R3HCC1L: variants seen among roughly 807,000 people sequenced by gnomAD.
The protein encoded by R3HCC1L is R3H domain and coiled-coil containing 1 like.
A neutral mutation model predicts 59.9 loss-of-function variants in R3HCC1L; 51 were observed. The ratio of observed to expected loss-of-function variants is 0.85; its 90% CI spans 0.68 to 1.07. The LOEUF (loss-of-function observed/expected upper bound fraction) is 1.07, where lower values mean the gene tolerates loss of function less well. Among genes scored for constraint, R3HCC1L ranks in the 50% least tolerant of loss-of-function variants. The probability of loss-of-function intolerance (pLI) is 0.00; values close to 1 mark genes in which losing one functional copy is unlikely to be tolerated. For synonymous variants in R3HCC1L, 322 were observed against 315.2 expected (o/e 1.02, Z -0.23); for missense variants, 965 against 933.0 (o/e 1.03, Z -0.45).
At chr10:98,227,569 A>G (rs1205295771) in intron 5 of R3HCC1L, among the ~76,000 whole-genome samples, 1 of 104,456 alleles carries the variant, frequency 9.6e-6, no homozygotes, top group East Asian at 2.9e-4. Flanking sequence ...GGTCATCAGC[A>G]GTGTGTGTTT....
At chr10:98,213,381 G>T (rs1420685259) in intron 5 of R3HCC1L, among the ~76,000 whole-genome samples, 3 of 152,166 alleles carry the variant, frequency 2.0e-5, no homozygotes, top group Non-Finnish European at 1.5e-5. Flanking sequence ...GAGACAGTAT[G>T]TAACTATGTG....
intron 2 of R3HCC1L, among the ~76,000 whole-genome samples, chr10:98,161,712 C>T (rs555872031): frequency 1.3e-5 from 2 of 152,180 alleles, no homozygotes; most frequent in East Asian, 3.9e-4. Flanking sequence ...GATATGCTAC[C>T]TTTATCATAT....
chr10:98,183,325 TTG>T (rs1260670944), intron 4 of R3HCC1L, among the ~76,000 whole-genome samples: 9 of 140,660 alleles, frequency 6.4e-5, no homozygotes, highest in African/African-American at 1.9e-4. Context: ...TTCCACTGTA[TTG>T]TGTCTTTTTT....
At chr10:98,234,630 A>T (rs1201349397) in intron 7 of R3HCC1L, 114 bp downstream of exon 7, 2 of 1,080,012 alleles carry the variant, frequency 1.9e-6, no homozygotes, top group African/African-American at 3.2e-5. Context: ...AGTGTAGGTA[A>T]TAGGGCAGTT....
intron 1 of R3HCC1L, among the ~76,000 whole-genome samples, 190 bp downstream of exon 1, chr10:98,134,896 C>T (rs1248221304): frequency 1.3e-5 from 2 of 152,208 alleles, no homozygotes; most frequent in African/African-American, 2.4e-5. Context: ...GCCTTCTGAC[C>T]CCTGCGGGCC....
intron 6 of R3HCC1L, among the ~76,000 whole-genome samples, chr10:98,232,777 T>C (rs879942479): frequency 6.6e-6 from 1 of 152,258 alleles, no homozygotes; most frequent in Non-Finnish European, 1.5e-5. Context: ...ACTCTGCCAT[T>C]GTTAAACAGA....
At chr10:98,142,637 CAAAAA>C (rs529534628) in intron 1 of R3HCC1L, among the ~76,000 whole-genome samples, 1 of 134,824 alleles carries the variant, frequency 7.4e-6, no homozygotes, top group African/African-American at 2.8e-5. Context: ...GACTCTGTCT[CAAAAA>C]AAAAAAAGTA....
At chr10:98,229,234 A>G (rs1185106313) in intron 5 of R3HCC1L, among the ~76,000 whole-genome samples, 1 of 152,136 alleles carries the variant, frequency 6.6e-6, no homozygotes, top group Non-Finnish European at 1.5e-5. Context: ...ATGTTCTTCC[A>G]TTTGTTTGTA....
At chr10:98,178,278 C>T (rs1461615513) in intron 4 of R3HCC1L, among the ~76,000 whole-genome samples, 1 of 152,190 alleles carries the variant, frequency 6.6e-6, no homozygotes, top group Non-Finnish European at 1.5e-5. Flanking sequence ...CAGGTTTCTA[C>T]ATATGGCTAG....
chr10:98,216,524 A>G (rs1026731436), intron 5 of R3HCC1L, among the ~76,000 whole-genome samples: 4 of 152,124 alleles, frequency 2.6e-5, no homozygotes, highest in Admixed American at 1.3e-4. Flanking sequence ...ACATACATGT[A>G]TTTGTTGTTG....
At chr10:98,151,697 G>T (rs2134007489) in intron 1 of R3HCC1L, among the ~76,000 whole-genome samples, 1 of 152,244 alleles carries the variant, frequency 6.6e-6, no homozygotes, top group South Asian at 2.1e-4. Flanking sequence ...TAAGGATGAA[G>T]AATTAGGGAA....
At position 98,209,411 on chromosome 10, in the gene R3HCC1L, G is replaced by A. The variant is rs1416416064; in HGVS notation, c.1297G>A (p.Asp433Asn). The A allele has an allele frequency of 1.2e-6, 2 of 1,613,716 alleles. No homozygotes were observed. Among genetic ancestry groups the A allele is most frequent in the East Asian group, 2.2e-5 (1 of 44,870 alleles). Residue 433 changes from aspartate (D) to asparagine (N), a missense_variant, in exon 5 of 10, where the codon GAC (aspartate) becomes AAC (asparagine). Physicochemically the swap from Asp to Asn is conservative, Grantham distance 23. Transcript: ENST00000298999. ...TPLHVARSGN[D>N]TEDFSNPSAC... ...TCTTCATGTAGCTAGAAGTGGGAAT[G>A]ACACTGAAGATTTCAGCAACCCTTC...
intron 9 of R3HCC1L, among the ~76,000 whole-genome samples, chr10:98,239,591 T>C (rs1857312819): frequency 6.6e-6 from 1 of 152,254 alleles, no homozygotes; most frequent in African/African-American, 2.4e-5. Context: ...AAGTCCTCCA[T>C]GTTTTTCTTT....
intron 5 of R3HCC1L, among the ~76,000 whole-genome samples, chr10:98,230,496 A>G (rs986726154): frequency 1.3e-5 from 2 of 151,974 alleles, no homozygotes; most frequent in Non-Finnish European, 2.9e-5. Flanking sequence ...CTAGTGGTCT[A>G]TCAATTTTGT....
chr10:98,164,230 A>G (rs1847723542), intron 4 of R3HCC1L, among the ~76,000 whole-genome samples: 1 of 152,226 alleles, frequency 6.6e-6, no homozygotes, highest in Non-Finnish European at 1.5e-5. Flanking sequence ...TTTCTCTTAA[A>G]TAGTTTTGTG....
At chr10:98,156,365 G>A (rs1846881578) in intron 2 of R3HCC1L, among the ~76,000 whole-genome samples, 1 of 152,130 alleles carries the variant, frequency 6.6e-6, no homozygotes, top group Non-Finnish European at 1.5e-5. Context: ...GCTTCAATCT[G>A]GATTGGTTGC....
chr10:98,211,349 G>A (rs1055476136), intron 5 of R3HCC1L: 112 of 1,533,174 alleles, frequency 7.3e-5, no homozygotes, highest in Non-Finnish European at 9.6e-5. Context: ...CTGCTCAAAG[G>A]TAATACACTT....
chr10:98,135,945 TA>T (rs1297501958), intron 1 of R3HCC1L, among the ~76,000 whole-genome samples: 2 of 152,146 alleles, frequency 1.3e-5, no homozygotes, highest in Non-Finnish European at 2.9e-5. Flanking sequence ...TTTTTGACAT[TA>T]AGCTTTGAGA....
intron 4 of R3HCC1L, among the ~76,000 whole-genome samples, chr10:98,192,652 A>G (rs933278859): frequency 1.3e-5 from 2 of 152,152 alleles, no homozygotes; most frequent in Non-Finnish European, 2.9e-5. Context: ...GTAAGCAAAA[A>G]TCTCCTAGCA....
Sources: gnomAD v4.1 joint callset for allele counts (sites outside exome capture counted in the v4.1 genomes callset) on GRCh38, gnomAD v4.1.1 for gene constraint, MANE v1.5 for transcripts, NCBI Gene and HGNC (gene_info 2026-07-23, HGNC 2026-07-21) for gene names.